KCNMA1: variants seen among roughly 807,000 people sequenced by gnomAD.
KCNMA1 encodes the protein potassium calcium-activated channel subfamily M alpha 1, also known as Calcium-activated potassium channel subunit alpha-1.
KCNMA1 carries 29 observed loss-of-function variants against 140.0 expected under a neutral mutation model. The ratio of observed to expected loss-of-function variants is 0.21; its 90% confidence interval spans 0.15 to 0.28. The LOEUF (loss-of-function observed/expected upper bound fraction) is 0.28, where lower values mean the gene tolerates loss of function less well. Ranked by LOEUF, KCNMA1 falls within the 10% of genes least tolerant of loss-of-function variation. KCNMA1 has a pLI of 1.00. For synonymous variants in KCNMA1, 612 were observed against 611.9 expected (o/e 1.00, Z 0.00); for missense variants, 880 against 1,602.2 (o/e 0.55, Z 7.70).
chr10:77,065,871 G>T (rs2095919312), intron 14 of KCNMA1, among the ~76,000 whole-genome samples: 1 of 152,248 alleles, frequency 6.6e-6, no homozygotes, highest in South Asian at 2.1e-4. Flanking sequence ...ATTAAGCAAA[G>T]ACAACAAGAG....
intron 23 of KCNMA1, among the ~76,000 whole-genome samples, chr10:76,921,165 T>C (rs2055618147): frequency 6.6e-6 from 1 of 152,212 alleles, no homozygotes; most frequent in East Asian, 1.9e-4. Flanking sequence ...TCTTTTATTG[T>C]GTGCATATAA....
At chr10:76,931,213 C>T (rs1418726483) in intron 23 of KCNMA1, among the ~76,000 whole-genome samples, 3 of 152,066 alleles carry the variant, frequency 2.0e-5, no homozygotes, top group Non-Finnish European at 4.4e-5. Flanking sequence ...TGTTTATTAA[C>T]TTGATTTTGG....
chr10:77,053,299 G>A (rs1241381643), intron 14 of KCNMA1, among the ~76,000 whole-genome samples: 1 of 152,218 alleles, frequency 6.6e-6, no homozygotes, highest in Non-Finnish European at 1.5e-5. Context: ...GGGCAAAGCT[G>A]CACTTGCTGG....
chr10:77,079,369 AGTGTGTGTGTGTGT>A (rs68133946), intron 13 of KCNMA1, 98 bp downstream of exon 13: 13 of 662,438 alleles, frequency 2.0e-5, no homozygotes, highest in South Asian at 1.7e-4. Flanking sequence ...GGCATGTGAG[AGTGTGTGTGTGTGT>A]GTGTGTGTGT....
chr10:77,127,293 G>A (rs2097763545), intron 5 of KCNMA1, among the ~76,000 whole-genome samples: 2 of 151,840 alleles, frequency 1.3e-5, no homozygotes, highest in South Asian at 4.1e-4. Context: ...TAGCTAAGGA[G>A]ACACAAATGA....
At chr10:77,244,184 T>A (rs1360960429) in intron 3 of KCNMA1, among the ~76,000 whole-genome samples, 1 of 152,222 alleles carries the variant, frequency 6.6e-6, no homozygotes, top group African/African-American at 2.4e-5. Flanking sequence ...CAGCTCCAGC[T>A]CTGCCCCTGG....
chr10:77,528,097 C>T (rs1277744902), intron 1 of KCNMA1, among the ~76,000 whole-genome samples: 1 of 152,132 alleles, frequency 6.6e-6, no homozygotes, highest in African/African-American at 2.4e-5. Context: ...AGAAGAGTGC[C>T]CACCACCTGG....
chr10:77,519,996 CTGG>C (rs1272292617), intron 1 of KCNMA1, among the ~76,000 whole-genome samples: 28 of 116,004 alleles, frequency 2.4e-4, no homozygotes, highest in Middle Eastern at 8.5e-3. Flanking sequence ...AGTGTGAGGT[CTGG>C]CATATGCAGT....
At chr10:77,389,401 G>A (rs1002506097) in intron 2 of KCNMA1, among the ~76,000 whole-genome samples, 1 of 152,156 alleles carries the variant, frequency 6.6e-6, no homozygotes, top group Non-Finnish European at 1.5e-5. Context: ...AGATGGAGGC[G>A]CTTCTACCTC....
chr10:77,532,020 C>G (rs966638510), intron 1 of KCNMA1, among the ~76,000 whole-genome samples: 1 of 152,182 alleles, frequency 6.6e-6, no homozygotes, highest in Non-Finnish European at 1.5e-5. Flanking sequence ...CCCAGTTACC[C>G]ATATGAATTC....
intron 14 of KCNMA1, among the ~76,000 whole-genome samples, chr10:77,054,011 C>T (rs571995421): frequency 5.0e-4 from 76 of 152,228 alleles, no homozygotes; most frequent in African/African-American, 1.8e-3. Context: ...CGCACAACCC[C>T]CCTCACACTT....
At chr10:77,606,221 C>G (rs1158103810) in intron 1 of KCNMA1, among the ~76,000 whole-genome samples, 1 of 152,172 alleles carries the variant, frequency 6.6e-6, no homozygotes, top group African/African-American at 2.4e-5. Context: ...GTCCCACTGT[C>G]CTAAGTCCCA....
At chr10:76,966,581 G>C (rs937407147) in intron 20 of KCNMA1, among the ~76,000 whole-genome samples, 1 of 152,138 alleles carries the variant, frequency 6.6e-6, no homozygotes, top group Admixed American at 6.6e-5. Flanking sequence ...GCCCCCCTAG[G>C]ACTTTACAAA....
At position 76,889,492 on chromosome 10, in the gene KCNMA1, C is replaced by T. The variant is rs781323146; in HGVS notation, c.3420G>A (p.Leu1140=). 6.2e-7 allele frequency: 1 copy of T among 1,614,100 alleles called. No homozygotes were observed. The highest frequency in any genetic ancestry group is 8.5e-7 in the Non-Finnish European group (1 of 1,179,998). ...YNMLCFGIYR[L]RDAHLSTPSQ... is the part of the protein sequence containing the mutation. ...TGGGGGTGCTGAGGTGAGCATCTCTCAGCCGGTAAATTCCAAAACAAAGCA... is the reference window on the plus strand; with the variant it reads ...TGGGGGTGCTGAGGTGAGCATCTCTTAGCCGGTAAATTCCAAAACAAAGCA... The change falls in exon 27 of 28, where the codon CTG becomes CTA. Residue 1140 remains leucine, a synonymous_variant. Coordinates refer to ENST00000286628, the MANE Select transcript of KCNMA1 (RefSeq NM_001161352.2).
At chr10:77,233,742 C>G (rs957210111) in intron 3 of KCNMA1, among the ~76,000 whole-genome samples, 3 of 152,182 alleles carry the variant, frequency 2.0e-5, no homozygotes, top group Non-Finnish European at 4.4e-5. Flanking sequence ...GCCCCTTTCT[C>G]GTTATCTCTT....
intron 18 of KCNMA1, chr10:77,008,226 C>T (rs748467982): frequency 5.9e-6 from 9 of 1,526,846 alleles, no homozygotes; most frequent in Non-Finnish European, 7.9e-6. Context: ...GAGTAGGGGC[C>T]GTATTCCAAG....
intron 2 of KCNMA1, among the ~76,000 whole-genome samples, chr10:77,304,894 C>A (rs976828341): frequency 6.6e-6 from 1 of 152,194 alleles, no homozygotes; most frequent in African/African-American, 2.4e-5. Context: ...GAGGAAGGCT[C>A]CAGAGGTGAC....
chr10:76,951,961 T>C, intron 21 of KCNMA1: 3 of 1,340,700 alleles, frequency 2.2e-6, no homozygotes, highest in South Asian at 1.3e-5. Context: ...TAGAATGGTG[T>C]GTGGCACATA....
chr10:76,910,198 GA>G (rs2049546089), intron 24 of KCNMA1, 102 bp from the exon 25 acceptor site: 1 of 1,330,782 alleles, frequency 7.5e-7, no homozygotes, highest in Admixed American at 1.7e-5. Context: ...AAGTCATTGA[GA>G]AGGAAACAAA....
Sources: allele counts gnomAD v4.1 joint callset (sites outside exome capture counted in the v4.1 genomes callset), GRCh38; gene constraint gnomAD v4.1.1; transcripts MANE v1.5; gene names NCBI Gene and HGNC (gene_info 2026-07-23, HGNC 2026-07-21).